The following PIK3C2G variants were observed in gnomAD, a reference collection of about 807,000 sequenced individuals.
PIK3C2G encodes phosphatidylinositol 3-kinase C2 domain-containing subunit gamma.
In PIK3C2G, 168 loss-of-function variants were observed where a neutral mutation model predicts 181.1. The ratio of observed to expected loss-of-function variants is 0.93; its 90% confidence interval spans 0.82 to 1.05. The LOEUF is 1.05. Ranked by LOEUF, PIK3C2G falls within the 50% of genes least tolerant of loss-of-function variation. The probability of loss-of-function intolerance (pLI) is 0.00; values close to 1 mark genes in which losing one functional copy is unlikely to be tolerated. For missense variants in PIK3C2G, 1,869 were observed against 1,732.8 expected (o/e 1.08, Z -1.40); for synonymous variants, 573 against 592.2 (o/e 0.97, Z 0.47).
chr12:18,329,767 T>A (rs1937731865), intron 8 of PIK3C2G, among the ~76,000 whole-genome samples: 1 of 152,052 alleles, frequency 6.6e-6, no homozygotes, highest in Non-Finnish European at 1.5e-5. Context: ...TTTCTAATGA[T>A]GTTTTACCTT....
chr12:18,284,713 G>A (rs971842721), intron 2 of PIK3C2G, among the ~76,000 whole-genome samples: 1 of 152,004 alleles, frequency 6.6e-6, no homozygotes, highest in African/African-American at 2.4e-5. Context: ...CAAGTCCAGC[G>A]CTGGAAACAA....
chr12:18,287,258 G>A (rs1949486530), intron 3 of PIK3C2G, among the ~76,000 whole-genome samples: 2 of 151,926 alleles, frequency 1.3e-5, no homozygotes, highest in Middle Eastern at 6.8e-3. Context: ...AACTCCTCTG[G>A]CTAACCCCCA....
chr12:18,451,431 C>G (rs1490463709), intron 18 of PIK3C2G, among the ~76,000 whole-genome samples: 1 of 152,140 alleles, frequency 6.6e-6, no homozygotes, highest in Non-Finnish European at 1.5e-5. Context: ...CATTTTGAAT[C>G]CTGAGACTTT....
chr12:18,571,075 T>C (rs557848983), intron 29 of PIK3C2G, among the ~76,000 whole-genome samples: 20 of 151,030 alleles, frequency 1.3e-4, no homozygotes, highest in Admixed American at 2.6e-4. Flanking sequence ...CTATACAATA[T>C]TGTATATACA....
At position 18,399,799 on chromosome 12, in the gene PIK3C2G, G is replaced by C. The variant is rs138567313; in HGVS notation, c.2267G>C (p.Arg756Thr). ...TCAGAAATGCATACCATTTTGAGAA[G>C]ATGGACATTTTCTCAACCTTTAGAG... ...TVSEMHTILRRWTFSQPLEAL... is the reference protein window; with the variant it reads ...TVSEMHTILRTWTFSQPLEAL... The change falls in exon 16 of 33, where the codon AGA (arginine) becomes ACA (threonine). Residue 756 changes from arginine (R) to threonine (T), a missense_variant. By Grantham distance (71) the Arg-to-Thr change is moderately conservative. Transcript: ENST00000538779. 2.6e-4 allele frequency: 424 copies of C among 1,604,946 alleles called. No homozygotes were observed. In the African/African-American group the frequency reaches 4.6e-3, roughly 18 times the overall value.
intron 11 of PIK3C2G, among the ~76,000 whole-genome samples, chr12:18,361,222 G>C (rs1469966162): frequency 1.3e-5 from 2 of 151,862 alleles, no homozygotes; most frequent in Non-Finnish European, 2.9e-5. Flanking sequence ...TCTCAACTCA[G>C]TTATTGTATC....
chr12:18,439,850 C>A (rs1400693211), intron 18 of PIK3C2G, among the ~76,000 whole-genome samples: 8 of 152,088 alleles, frequency 5.3e-5, no homozygotes, highest in Non-Finnish European at 1.5e-5. Flanking sequence ...TAATCACACA[C>A]CATGTATAAT....
At chr12:18,696,613 T>C in the PIK3C2G span, among the ~76,000 whole-genome samples, 1 of 152,010 alleles carries the variant, frequency 6.6e-6, no homozygotes, top group African/African-American at 2.4e-5. Context: ...ATATAATCCA[T>C]TCATTTTTCA....
At chr12:18,652,924 T>A (rs1343122248), downstream of PIK3C2G, among the ~76,000 whole-genome samples, 3 of 151,938 alleles carry the variant, frequency 2.0e-5, no homozygotes, top group South Asian at 6.2e-4. Context: ...ATACATATTC[T>A]GTCTCACACA....
chr12:18,724,827 AT>A, the PIK3C2G span, among the ~76,000 whole-genome samples: 1 of 152,130 alleles, frequency 6.6e-6, no homozygotes, highest in Non-Finnish European at 1.5e-5. Context: ...ATCCCTGAAA[AT>A]TTTGGTTATA....
At chr12:18,511,660 G>A (rs1403987600) in intron 24 of PIK3C2G, among the ~76,000 whole-genome samples, 2 of 151,668 alleles carry the variant, frequency 1.3e-5, no homozygotes, top group Non-Finnish European at 2.9e-5. Flanking sequence ...TTTTTTTAAT[G>A]TTTATTTGTT....
intron 11 of PIK3C2G, among the ~76,000 whole-genome samples, chr12:18,351,798 A>G (rs1341035032): frequency 1.3e-5 from 2 of 152,234 alleles, no homozygotes; most frequent in South Asian, 2.1e-4. Context: ...ACACTCATGC[A>G]TAGCTTATGA....
intron 5 of PIK3C2G, among the ~76,000 whole-genome samples, chr12:18,300,608 A>G (rs910366288): frequency 2.0e-5 from 3 of 152,164 alleles, no homozygotes; most frequent in East Asian, 1.9e-4. Flanking sequence ...TAATTTCTTT[A>G]TATTCAAGGT....
chr12:18,474,185 G>T (rs1938739404), intron 18 of PIK3C2G, among the ~76,000 whole-genome samples: 1 of 152,088 alleles, frequency 6.6e-6, no homozygotes. Context: ...CTTGTCAATT[G>T]AGTATCATTA....
chr12:18,465,200 C>G (rs923769497), intron 18 of PIK3C2G, among the ~76,000 whole-genome samples: 3 of 151,880 alleles, frequency 2.0e-5, no homozygotes, highest in Admixed American at 2.0e-4. Context: ...TGGAACTACA[C>G]TCTGTGAAAA....
At chr12:18,468,023 CCAAT>C (rs1938082989) in intron 18 of PIK3C2G, among the ~76,000 whole-genome samples, 1 of 151,932 alleles carries the variant, frequency 6.6e-6, no homozygotes, top group South Asian at 2.1e-4. Flanking sequence ...ACATAAACTG[CCAAT>C]CAAATGACAT....
intron 31 of PIK3C2G, among the ~76,000 whole-genome samples, chr12:18,617,690 G>T (rs565887279): frequency 6.6e-6 from 1 of 152,178 alleles, no homozygotes; most frequent in East Asian, 1.9e-4. Flanking sequence ...TCAAATGTTT[G>T]CCTGGCTCAT....
intron 11 of PIK3C2G, chr12:18,358,815 T>C (rs1037945671): frequency 4.1e-6 from 1 of 242,630 alleles, no homozygotes; most frequent in African/African-American, 2.3e-5. Flanking sequence ...TAGTCAAATA[T>C]ACCATACTCT....
In PIK3C2G at chr12:18,416,536, G is replaced by C. The variant is rs141400456; in HGVS notation, c.2316-4405G>C. Among the ~76,000 whole-genome samples, 41 of 152,276 alleles carry C rather than the reference G, an allele frequency of 2.7e-4. No individual in the cohort carries two copies. The East Asian group carries it at 7.7e-3, about 29-fold the overall frequency. On this transcript the variant is annotated intron_variant, in intron 16 of 32. Transcript: ENST00000538779. ...AAGCTGACTCTCTTGTTAGGACTAT[G>C]CAGCTGGCGATTTTAAATTGAAGCC...
Sources: gnomAD v4.1 joint callset for allele counts (sites outside exome capture counted in the v4.1 genomes callset) on GRCh38, gnomAD v4.1.1 for gene constraint, MANE v1.5 for transcripts, NCBI Gene and HGNC (gene_info 2026-07-23, HGNC 2026-07-21) for gene names.